The following OOSP3 variants were observed in gnomAD, a reference collection of about 807,000 sequenced individuals.
OOSP3 encodes oocyte-secreted protein 3.
chr11:59,884,519 C>A lies in OOSP3; in HGVS notation c.252+4080C>A, dbSNP rs200201097. On this transcript the variant is annotated intron_variant, in intron 2 of 4. Transcript: ENST00000646438. ...TCTCTCTCTCTCTCTCTCTCTCTCT[C>A]TATGCAGTCTTAATCTGTTGCCCAG... Among the ~76,000 whole-genome samples, 4 of 110,438 alleles carry A rather than the reference C, an allele frequency of 3.6e-5. No individual in the cohort carries two copies. In the East Asian group the frequency reaches 1.1e-3, roughly 31 times the overall value. The allele number at this position is 110,438 out of a possible 152,430, so 72.5% of individuals were successfully genotyped here. A position where few individuals can be genotyped will look rare whatever the true frequency, so the allele number is the denominator to read the frequency against.
chr11:59,887,094 TGCCCAC>T (rs1853269264), intron 2 of OOSP3, among the ~76,000 whole-genome samples: 1 of 151,534 alleles, frequency 6.6e-6, no homozygotes, highest in African/African-American at 2.4e-5. Flanking sequence ...CACACCCCTT[TGCCCAC>T]TTTTTAATGG....
At chr11:59,891,657 C>T (rs927139257) in intron 2 of OOSP3, among the ~76,000 whole-genome samples, 4 of 152,146 alleles carry the variant, frequency 2.6e-5, no homozygotes, top group African/African-American at 9.7e-5. Flanking sequence ...AGGGGAGGAC[C>T]GACCAGATGC....
chr11:59,878,882 G>A lies in OOSP3; in HGVS notation c.73+1G>A. ...TTGACTCTTTCTGAGCAAGAGTCAG[G>A]TACAAGTGACCTTTATATTTTGTTG... On this transcript the variant is annotated splice_donor_variant, in intron 1 of 4. Transcript: ENST00000646438. LOFTEE classifies it high-confidence loss of function. The A allele has an allele frequency of 2.5e-6, 1 of 398,470 alleles. No homozygotes were observed. Among genetic ancestry groups the A allele is most frequent in the Admixed American group, 4.4e-5 (1 of 22,722 alleles). The allele number at this position is 398,470 out of a possible 1,614,324, so 24.7% of individuals were successfully genotyped here.
rs2134534359 is a variant in OOSP3, at chr11:59,896,474, C to T, written c.*261C>T. 3 of 272,904 alleles carry T rather than the reference C, an allele frequency of 1.1e-5. No homozygotes were observed. In the South Asian group the frequency reaches 5.1e-4, roughly 46 times the overall value. 16.9% of individuals were successfully genotyped at this position (272,904 alleles called of 1,614,324 possible). A position where few individuals can be genotyped will look rare whatever the true frequency, so the allele number is the denominator to read the frequency against. Reference sequence around the variant, plus strand: ...GATCTTACAAATAAAATGTGCTGTCCCTTTGGCTATACTTCTTGATGACTG... The same window carrying T: ...GATCTTACAAATAAAATGTGCTGTCTCTTTGGCTATACTTCTTGATGACTG... On this transcript the variant is annotated 3_prime_UTR_variant, in exon 5 of 5. Coordinates refer to ENST00000646438, the Ensembl canonical transcript of OOSP3.
intron 2 of OOSP3, among the ~76,000 whole-genome samples, chr11:59,893,811 C>T (rs894951454): frequency 6.6e-6 from 1 of 152,180 alleles, no homozygotes; most frequent in African/African-American, 2.4e-5. Context: ...GAAGCTGTAG[C>T]CCTTGTTCCT....
chr11:59,891,552 G>C (rs974519945), intron 2 of OOSP3, among the ~76,000 whole-genome samples: 4 of 152,168 alleles, frequency 2.6e-5, no homozygotes, highest in Non-Finnish European at 5.9e-5. Flanking sequence ...AGTTTCTGGG[G>C]GTTCACTTCA....
chr11:59,889,416 C>A (rs575076117), intron 2 of OOSP3, among the ~76,000 whole-genome samples: 2 of 152,188 alleles, frequency 1.3e-5, no homozygotes, highest in South Asian at 4.2e-4. Context: ...ATCTTTTCAG[C>A]TTTTTGATGT....
At chr11:59,891,187 T>C (rs1853308993) in intron 2 of OOSP3, among the ~76,000 whole-genome samples, 1 of 152,206 alleles carries the variant, frequency 6.6e-6, no homozygotes, top group African/African-American at 2.4e-5. Context: ...TCTTTTATCA[T>C]GATTCTTGGC....
chr11:59,891,513 T>C (rs1853312323), intron 2 of OOSP3, among the ~76,000 whole-genome samples: 2 of 152,238 alleles, frequency 1.3e-5, no homozygotes, highest in Admixed American at 1.3e-4. Context: ...TCTTTTAACA[T>C]TCAGAACCCG....
At chr11:59,895,850 G>C (rs1853352123) in intron 4 of OOSP3, among the ~76,000 whole-genome samples, 198 bp downstream of exon 4, 1 of 152,058 alleles carries the variant, frequency 6.6e-6, no homozygotes, top group Non-Finnish European at 1.5e-5. Context: ...CATATATCCT[G>C]GTCTTGTCAA....
intron 2 of OOSP3, among the ~76,000 whole-genome samples, chr11:59,888,401 G>A (rs952471203): frequency 1.3e-5 from 2 of 152,096 alleles, no homozygotes; most frequent in African/African-American, 4.8e-5. Context: ...ATGTTTACAG[G>A]TTTTGCCCTT....
At chr11:59,895,626 C>T (rs933724957) in exon 4 of OOSP3, 4 of 398,250 alleles carry the variant, frequency 1.0e-5, no homozygotes, top group African/African-American at 6.2e-5. Context: ...TGGATTGACT[C>T]GGATTCCATA....
chr11:59,891,847 G>A (rs1455203192), intron 2 of OOSP3, among the ~76,000 whole-genome samples: 1 of 152,210 alleles, frequency 6.6e-6, no homozygotes, highest in African/African-American at 2.4e-5. Flanking sequence ...TAATTGTGGT[G>A]GCCCCTCCCC....
At chr11:59,882,534 G>A (rs769545318) in intron 2 of OOSP3, among the ~76,000 whole-genome samples, 4 of 151,978 alleles carry the variant, frequency 2.6e-5, no homozygotes, top group Non-Finnish European at 4.4e-5. Context: ...TCTTTCTTAG[G>A]TTTATAATTT....
At position 59,880,246 on chromosome 11, in the gene OOSP3, AT is replaced by A. The variant is rs1196605719; in HGVS notation, c.74-7del. The A allele has an allele frequency of 4.3e-5, 17 of 398,172 alleles. No homozygotes were observed. Among genetic ancestry groups the A allele is most frequent in the African/African-American group, 1.4e-4 (7 of 48,666 alleles). The allele number at this position is 398,172 out of a possible 1,614,324, so 24.7% of individuals were successfully genotyped here. A position where few individuals can be genotyped will look rare whatever the true frequency, so the allele number is the denominator to read the frequency against. On this transcript the variant is annotated splice_polypyrimidine_tract_variant and intron_variant, in intron 1 of 4. Transcript: ENST00000646438. ...AATTGCTATCTAAATGTTTAAAAAA[AT>A]TTTTTTTCAACAGTGTCAGTAGGAT...
chr11:59,881,209 A>G (rs965643398), intron 2 of OOSP3, among the ~76,000 whole-genome samples: 1 of 152,034 alleles, frequency 6.6e-6, no homozygotes, highest in Non-Finnish European at 1.5e-5. Flanking sequence ...AAAATATATA[A>G]AAAATTAGCC....
intron 2 of OOSP3, among the ~76,000 whole-genome samples, chr11:59,889,867 A>T: frequency 6.6e-6 from 1 of 151,912 alleles, no homozygotes; most frequent in African/African-American, 2.4e-5. Context: ...TCTCAATCTA[A>T]TATTGACAGT....
At chr11:59,887,667 TG>T (rs1266094147) in intron 2 of OOSP3, among the ~76,000 whole-genome samples, 1 of 152,206 alleles carries the variant, frequency 6.6e-6, no homozygotes, top group Non-Finnish European at 1.5e-5. Context: ...TGTCTGTTTT[TG>T]CACCAGTACC....
intron 4 of OOSP3, among the ~76,000 whole-genome samples, chr11:59,895,920 A>G (rs934761940): frequency 8.5e-5 from 13 of 152,232 alleles, no homozygotes; most frequent in African/African-American, 3.1e-4. Context: ...TAGTTTAAAC[A>G]TAATCTGAGT....
Sources: gnomAD v4.1 joint callset for allele counts (sites outside exome capture counted in the v4.1 genomes callset) on GRCh38, gnomAD v4.1.1 for gene constraint, MANE v1.5 for transcripts, NCBI Gene and HGNC (gene_info 2026-07-23, HGNC 2026-07-21) for gene names.